The following GUCY1A1 variants were observed in gnomAD, a reference collection of about 807,000 sequenced individuals.
GUCY1A1 encodes guanylate cyclase soluble subunit alpha-1.
In GUCY1A1, 48 loss-of-function variants were observed where a neutral mutation model predicts 64.5. The observed-to-expected ratio is 0.74, with a 90% CI of 0.59 to 0.95. The LOEUF is 0.95. Ranked by LOEUF, GUCY1A1 falls within the 40% of genes least tolerant of loss-of-function variation. The probability of loss-of-function intolerance (pLI) is 0.00; values close to 1 mark genes in which losing one functional copy is unlikely to be tolerated. For missense variants in GUCY1A1, 804 were observed against 825.3 expected (o/e 0.97, Z 0.32); for synonymous variants, 308 against 303.4 (o/e 1.02, Z -0.16).
intron 3 of GUCY1A1, among the ~76,000 whole-genome samples, chr4:155,700,668 G>A (rs1220165915): frequency 1.3e-5 from 2 of 152,040 alleles, no homozygotes; most frequent in African/African-American, 4.8e-5. Context: ...ATTTGCATTG[G>A]GGAACAAGTG....
At chr4:155,702,845 G>A (rs1015506340) in intron 3 of GUCY1A1, among the ~76,000 whole-genome samples, 2 of 151,856 alleles carry the variant, frequency 1.3e-5, no homozygotes, top group African/African-American at 4.8e-5. Context: ...CTTGACTGGT[G>A]GAAACTCTAC....
At chr4:155,687,482 T>A (rs1166717498) in intron 2 of GUCY1A1, among the ~76,000 whole-genome samples, 1 of 152,240 alleles carries the variant, frequency 6.6e-6, no homozygotes, top group African/African-American at 2.4e-5. Flanking sequence ...TACCATTTTA[T>A]GTGTGAAATA....
intron 2 of GUCY1A1, chr4:155,667,632 G>C (rs1262794527): frequency 1.3e-5 from 2 of 152,038 alleles, no homozygotes; most frequent in African/African-American, 4.8e-5. Context: ...CCAGGGCCCG[G>C]GGGACCCGCG....
rs1735904187 is a variant in GUCY1A1, at chr4:155,734,819, A to G, written c.*4588A>G. 1 of 151,954 alleles carries G rather than the reference A, an allele frequency of 6.6e-6. No homozygotes were observed. Among genetic ancestry groups the G allele is most frequent in the Non-Finnish European group, 1.5e-5 (1 of 67,932 alleles). The allele number at this position is 151,954 out of a possible 1,614,324, so 9.4% of individuals were successfully genotyped here. A position where few individuals can be genotyped will look rare whatever the true frequency, so the allele number is the denominator to read the frequency against. Reference sequence around the variant, plus strand: ...AAAACCAAAATGTCATTTTCAACCAAAATTGAGTGTTAGAGTTTATGGTCT... The same window carrying G: ...AAAACCAAAATGTCATTTTCAACCAGAATTGAGTGTTAGAGTTTATGGTCT... On this transcript the variant is annotated 3_prime_UTR_variant, in exon 10 of 10. Coordinates refer to ENST00000506455, the MANE Select transcript of GUCY1A1 (RefSeq NM_001130682.3).
chr4:155,703,383 C>T (rs1432621745), intron 3 of GUCY1A1, among the ~76,000 whole-genome samples: 2 of 152,098 alleles, frequency 1.3e-5, no homozygotes, highest in East Asian at 1.9e-4. Flanking sequence ...AAGGAAGAGA[C>T]AGAGATAACT....
Position 155,713,587 on chromosome 4 carries a change from G to A in GUCY1A1, c.1572+4G>A. On this transcript the variant is annotated splice_donor_region_variant and intron_variant, in intron 7 of 9. Transcript: ENST00000506455. The stretch of plus-strand genomic sequence containing the variant: ...TGGAGAGCTGGATGTCTACAAGGTA[G>A]GAGTGGACCAGGGAAATAATTGTTT... The A allele has an allele frequency of 6.2e-7, 1 of 1,607,054 alleles. No homozygotes were observed. The highest frequency in any genetic ancestry group is 8.5e-7 in the Non-Finnish European group (1 of 1,174,236).
At chr4:155,708,466 A>G (rs1445157859) in intron 5 of GUCY1A1, among the ~76,000 whole-genome samples, 172 bp downstream of exon 5, 1 of 152,078 alleles carries the variant, frequency 6.6e-6, no homozygotes, top group Non-Finnish European at 1.5e-5. Flanking sequence ...TTTTTGTTTG[A>G]CCTAAAACAT....
chr4:155,729,089 T>C (rs1342473130), intron 9 of GUCY1A1, among the ~76,000 whole-genome samples: 2 of 151,866 alleles, frequency 1.3e-5, no homozygotes, highest in Non-Finnish European at 2.9e-5. Context: ...GTTGTCACAG[T>C]ACCAAAATCT....
intron 2 of GUCY1A1, among the ~76,000 whole-genome samples, chr4:155,678,447 A>G (rs1333920196): frequency 6.6e-6 from 1 of 152,190 alleles, no homozygotes; most frequent in Non-Finnish European, 1.5e-5. Flanking sequence ...AATAGTGAAC[A>G]TTTCTTAGGT....
At chr4:155,698,324 A>C (rs1304525628) in intron 3 of GUCY1A1, among the ~76,000 whole-genome samples, 2 of 152,186 alleles carry the variant, frequency 1.3e-5, no homozygotes, top group Non-Finnish European at 2.9e-5. Context: ...TAACCTTTGA[A>C]ATGGAAATGT....
At chr4:155,697,233 A>ATATTTTCT in intron 3 of GUCY1A1, 111 bp downstream of exon 3, 1 of 772,074 alleles carries the variant, frequency 1.3e-6, no homozygotes, top group African/African-American at 1.7e-5. Flanking sequence ...GCTACAATAA[A>ATATTTTCT]TGTAGAATAT....
chr4:155,722,127 T>C lies in GUCY1A1; in HGVS notation c.1806T>C (p.Thr602=), dbSNP rs1734041335. The part of the protein sequence containing the change: ...PRYCLFGNNV[T]LANKFESCSV... Reference sequence around the variant, plus strand: ...ACTGTCTTTTTGGAAACAATGTCACTCTGGCTAACAAATTTGAGTCCTGCA... The same window carrying C: ...ACTGTCTTTTTGGAAACAATGTCACCCTGGCTAACAAATTTGAGTCCTGCA... The change falls in exon 9 of 10, where the codon ACT becomes ACC. Residue 602 remains threonine, a synonymous_variant. Coordinates refer to ENST00000506455, the MANE Select transcript of GUCY1A1 (RefSeq NM_001130682.3). The C allele has an allele frequency of 6.2e-7, 1 of 1,613,498 alleles. No individual in the cohort carries two copies. Among genetic ancestry groups the C allele is most frequent in the Non-Finnish European group, 8.5e-7 (1 of 1,179,662 alleles).
intron 2 of GUCY1A1, among the ~76,000 whole-genome samples, chr4:155,674,091 C>T (rs1388564307): frequency 6.7e-6 from 1 of 148,370 alleles, no homozygotes; most frequent in Admixed American, 6.6e-5. Flanking sequence ...CGTGGTGGCT[C>T]ACGCCTGTAA....
In GUCY1A1 at chr4:155,713,269, C is replaced by G; in HGVS notation, c.1258C>G (p.Arg420Gly). The change falls in exon 7 of 10, where the codon CGA becomes GGA. Residue 420 changes from arginine (R) to glycine (G), a missense_variant. Transcript: ENST00000506455. ...RDVVLIGEQA[R>G]AQDGLKKRLG... ...TGTGGTCTTAATAGGGGAACAAGCC[C>G]GAGCTCAAGATGGCCTGAAGAAGAG... 1.9e-6 allele frequency: 3 copies of G among 1,614,054 alleles called. No individual in the cohort carries two copies. The highest frequency in any genetic ancestry group is 2.5e-6 in the Non-Finnish European group (3 of 1,179,986).
At chr4:155,673,424 A>G (rs1398224454) in intron 2 of GUCY1A1, among the ~76,000 whole-genome samples, 1 of 151,638 alleles carries the variant, frequency 6.6e-6, no homozygotes, top group Non-Finnish European at 1.5e-5. Context: ...TAAGTTTTAA[A>G]GAAGTTAGGA....
At chr4:155,726,176 C>T (rs905835612) in intron 9 of GUCY1A1, among the ~76,000 whole-genome samples, 6 of 151,770 alleles carry the variant, frequency 4.0e-5, no homozygotes, top group African/African-American at 7.3e-5. Flanking sequence ...TAATAGTTTA[C>T]TTTCTTTTTA....
intron 9 of GUCY1A1, among the ~76,000 whole-genome samples, chr4:155,727,462 C>A (rs1230122626): frequency 1.3e-5 from 2 of 151,754 alleles, no homozygotes; most frequent in Non-Finnish European, 2.9e-5. Context: ...AAATGATGCA[C>A]TTTAAAGCCA....
chr4:155,713,174 A>C lies in GUCY1A1; in HGVS notation c.1163A>C (p.Asp388Ala). ...TTGTTTTTGGGGTCACCCTGTGTGG[A>C]CAGATTAGAAGATTTTACAGGACGA... ...AILFLGSPCVDRLEDFTGRGL... is the reference protein window; with the variant it reads ...AILFLGSPCVARLEDFTGRGL... Residue 388 changes from aspartate to alanine, a missense_variant, in exon 7 of 10, where the codon GAC becomes GCC. By Grantham distance (126) the Asp-to-Ala change is moderately radical. Transcript: ENST00000506455. 4 of 1,613,884 alleles carry C rather than the reference A, an allele frequency of 2.5e-6. No homozygotes were observed. The highest frequency in any genetic ancestry group is 3.4e-6 in the Non-Finnish European group (4 of 1,179,830).
chr4:155,710,697 GA>G lies in GUCY1A1; in HGVS notation c.534del (p.Ala179GlnfsTer35). 1.2e-6 allele frequency: 2 copies of G among 1,614,096 alleles called. No individual in the cohort carries two copies. The highest frequency in any genetic ancestry group is 1.7e-6 in the Non-Finnish European group (2 of 1,180,012). ...TCTGAAACAGAGCAGCCATTGCCAA[GA>G]AGCAGGAAAAAGGGGCAGGCTTGAG... ...TLLKQSSHCQ[E>X]AGKRGRLEDA... On this transcript the variant is annotated frameshift_variant, in exon 6 of 10. Transcript: ENST00000506455. LOFTEE classifies it high-confidence loss of function.
Sources: allele counts gnomAD v4.1 joint callset (sites outside exome capture counted in the v4.1 genomes callset), GRCh38; gene constraint gnomAD v4.1.1; transcripts MANE v1.5; gene names NCBI Gene and HGNC (gene_info 2026-07-23, HGNC 2026-07-21).